The following NOL4 variants were observed in gnomAD, a reference collection of about 807,000 sequenced individuals.
NOL4 encodes the protein nucleolar protein 4.
NOL4 carries 17 observed loss-of-function variants against 75.9 expected under a neutral mutation model. The observed-to-expected ratio is 0.22, with a 90% CI of 0.15 to 0.34. The LOEUF (loss-of-function observed/expected upper bound fraction) is 0.34, where lower values mean the gene tolerates loss of function less well. Among genes scored for constraint, NOL4 ranks in the 10% least tolerant of loss-of-function variants. The pLI, the probability that NOL4 is intolerant of heterozygous loss-of-function variation, is 1.00. For missense variants in NOL4, 614 were observed against 793.5 expected (o/e 0.77, Z 2.72); for synonymous variants, 292 against 289.9 (o/e 1.01, Z -0.07).
At chr18:33,872,526 C>G (rs1375202273) in intron 10 of NOL4, among the ~76,000 whole-genome samples, 2 of 151,884 alleles carry the variant, frequency 1.3e-5, no homozygotes, top group Non-Finnish European at 2.9e-5. Context: ...ATGGAATAGA[C>G]ATAGAAAAGG....
chr18:33,975,294 C>T (rs908569321), intron 6 of NOL4, among the ~76,000 whole-genome samples: 4 of 152,092 alleles, frequency 2.6e-5, no homozygotes, highest in African/African-American at 9.7e-5. Context: ...AGTTAAGATG[C>T]TAAAATTATG....
chr18:34,143,504 T>C (rs1201460135), intron 1 of NOL4, among the ~76,000 whole-genome samples: 3 of 152,126 alleles, frequency 2.0e-5, no homozygotes, highest in African/African-American at 7.2e-5. Context: ...CAATATTTTT[T>C]TGTAATTGAT....
chr18:34,174,228 C>A (rs778582627), intron 1 of NOL4, among the ~76,000 whole-genome samples: 1 of 152,148 alleles, frequency 6.6e-6, no homozygotes, highest in Non-Finnish European at 1.5e-5. Flanking sequence ...GAAACTTAAT[C>A]TGTACTATTT....
At chr18:33,925,184 A>C (rs1175156042) in intron 9 of NOL4, among the ~76,000 whole-genome samples, 2 of 152,214 alleles carry the variant, frequency 1.3e-5, no homozygotes, top group Non-Finnish European at 2.9e-5. Flanking sequence ...CTCTGCATAC[A>C]TGTCCTGACT....
chr18:34,168,773 C>A (rs531411099), intron 1 of NOL4, among the ~76,000 whole-genome samples: 2 of 151,278 alleles, frequency 1.3e-5, no homozygotes, highest in Non-Finnish European at 3.0e-5. Flanking sequence ...CAAATTTAAA[C>A]GGAAACTTCT....
chr18:34,194,444 G>T (rs1339799399), intron 1 of NOL4, among the ~76,000 whole-genome samples: 1 of 144,836 alleles, frequency 6.9e-6, no homozygotes, highest in Non-Finnish European at 1.5e-5. Flanking sequence ...AGGAAGGAAG[G>T]AAGGAAGGAA....
intron 10 of NOL4, among the ~76,000 whole-genome samples, chr18:33,871,906 G>T (rs750772194): frequency 6.6e-6 from 1 of 152,016 alleles, no homozygotes; most frequent in Non-Finnish European, 1.5e-5. Flanking sequence ...ACCAGTGAAA[G>T]ATTTGAGGGC....
intron 1 of NOL4, among the ~76,000 whole-genome samples, chr18:34,158,377 A>T (rs1179537132): frequency 1.3e-5 from 2 of 152,160 alleles, no homozygotes; most frequent in Non-Finnish European, 2.9e-5. Flanking sequence ...CTTGCACCTG[A>T]GCTGAGTGTA....
intron 9 of NOL4, among the ~76,000 whole-genome samples, chr18:33,912,509 T>C (rs944792304): frequency 2.1e-4 from 32 of 152,072 alleles, no homozygotes; most frequent in Non-Finnish European, 7.4e-5. Flanking sequence ...GTAAACTCCA[T>C]CTGAAAACTT....
At chr18:34,214,565 G>A (rs2036744749) in intron 1 of NOL4, among the ~76,000 whole-genome samples, 1 of 152,144 alleles carries the variant, frequency 6.6e-6, no homozygotes, top group Non-Finnish European at 1.5e-5. Context: ...GGACTATTGT[G>A]AAGATTAAAG....
chr18:34,185,071 C>T (rs1346743919), intron 1 of NOL4, among the ~76,000 whole-genome samples: 1 of 152,082 alleles, frequency 6.6e-6, no homozygotes, highest in Non-Finnish European at 1.5e-5. Flanking sequence ...GTTACTTCCT[C>T]CTGTCTCATG....
intron 1 of NOL4, among the ~76,000 whole-genome samples, chr18:34,165,381 G>A (rs1380484663): frequency 6.6e-6 from 1 of 151,722 alleles, no homozygotes. Context: ...GAATGGGAAA[G>A]TAAGTAGAAA....
intron 5 of NOL4, among the ~76,000 whole-genome samples, chr18:34,076,148 G>C (rs1410533332): frequency 6.6e-6 from 1 of 152,090 alleles, no homozygotes; most frequent in Non-Finnish European, 1.5e-5. Context: ...GCCTATTTAC[G>C]AAAGGTGCTT....
intron 6 of NOL4, among the ~76,000 whole-genome samples, chr18:33,981,678 T>C (rs551991281): frequency 2.6e-5 from 4 of 152,196 alleles, no homozygotes; most frequent in African/African-American, 9.6e-5. Flanking sequence ...TTGCAGGAGA[T>C]GTTAAAAGAA....
At chr18:34,158,040 T>C (rs902824476) in intron 1 of NOL4, among the ~76,000 whole-genome samples, 4 of 152,174 alleles carry the variant, frequency 2.6e-5, no homozygotes, top group African/African-American at 9.7e-5. Flanking sequence ...TATCTTGCAT[T>C]GTTGGGATTT....
At chr18:34,034,726 T>A (rs887954978) in intron 5 of NOL4, among the ~76,000 whole-genome samples, 1 of 151,034 alleles carries the variant, frequency 6.6e-6, no homozygotes, top group Admixed American at 6.6e-5. Flanking sequence ...TGCCACAGAG[T>A]AAGACCCTGC....
At chr18:33,947,810 A>C (rs1307214086) in intron 8 of NOL4, among the ~76,000 whole-genome samples, 1 of 151,882 alleles carries the variant, frequency 6.6e-6, no homozygotes, top group Non-Finnish European at 1.5e-5. Flanking sequence ...CACTGCTCAA[A>C]TCAGTGGCAG....
intron 9 of NOL4, among the ~76,000 whole-genome samples, chr18:33,897,638 G>T (rs2065490525): frequency 1.3e-5 from 2 of 151,968 alleles, no homozygotes; most frequent in African/African-American, 4.8e-5. Context: ...AAGAGGAGCA[G>T]AAAAGATAAC....
intron 9 of NOL4, among the ~76,000 whole-genome samples, chr18:33,887,715 C>T (rs1208265728): frequency 1.3e-5 from 2 of 152,068 alleles, no homozygotes; most frequent in Non-Finnish European, 2.9e-5. Flanking sequence ...TGATGGTTTC[C>T]AGCTTCATCC....
Sources: gnomAD v4.1 joint callset for allele counts (sites outside exome capture counted in the v4.1 genomes callset) on GRCh38, gnomAD v4.1.1 for gene constraint, MANE v1.5 for transcripts, NCBI Gene and HGNC (gene_info 2026-07-23, HGNC 2026-07-21) for gene names.